The following DAGLB variants were observed in gnomAD, a reference collection of about 807,000 sequenced individuals.
The protein encoded by DAGLB is diacylglycerol lipase beta.
Under a neutral mutation model 72.1 loss-of-function variants are expected in DAGLB, and 66 were observed. The ratio of observed to expected loss-of-function variants is 0.92; its 90% CI spans 0.75 to 1.12. The LOEUF (loss-of-function observed/expected upper bound fraction) is 1.12. Ranked by LOEUF, DAGLB falls within the 50% of genes most tolerant of loss-of-function variation. The probability of loss-of-function intolerance (pLI) is 0.00; values close to 1 mark genes in which losing one functional copy is unlikely to be tolerated. For missense variants in DAGLB, 1,065 were observed against 884.9 expected, an observed-to-expected ratio of 1.20 and a Z score of -2.58; for synonymous variants, 414 against 359.5, an observed-to-expected ratio of 1.15 and a Z score of -1.71.
At chr7:6,429,976 G>A (rs1006798821) in intron 6 of DAGLB, among the ~76,000 whole-genome samples, 6 of 151,778 alleles carry the variant, frequency 4.0e-5, no homozygotes, top group South Asian at 2.1e-4. Flanking sequence ...CCAGGGAGGC[G>A]GAGCTTGCAG....
In DAGLB at chr7:6,432,895, T is replaced by G; in HGVS notation, c.743A>C (p.Asn248Thr). ...GGCAGGCTCTTGGTTGTTCCTGATA[T>G]TGTCCTGTTGCTGATGAAGCAGGGC... Reference protein sequence around the residue: ...GLALLHQQQDNIRNNQEPAQV... With the variant: ...GLALLHQQQDTIRNNQEPAQV... Residue 248 changes from asparagine to threonine, a missense_variant, in exon 5 of 15, where the codon AAT becomes ACT. Physicochemically the swap from Asn to Thr is moderately conservative, Grantham distance 65. Transcript: ENST00000297056. The G allele has an allele frequency of 1.2e-6, 2 of 1,613,950 alleles. No individual in the cohort carries two copies. The highest frequency in any genetic ancestry group is 1.7e-6 in the Non-Finnish European group (2 of 1,180,026).
intron 11 of DAGLB, 82 bp from the exon 12 acceptor site, chr7:6,413,116 T>C (rs1285488860): frequency 1.4e-6 from 2 of 1,460,096 alleles, no homozygotes; most frequent in African/African-American, 1.4e-5. Context: ...TCAGTAACAC[T>C]GAGGGGTTAG....
chr7:6,440,852 G>A (rs1011215174), intron 2 of DAGLB, among the ~76,000 whole-genome samples: 1 of 152,062 alleles, frequency 6.6e-6, no homozygotes, highest in African/African-American at 2.4e-5. Flanking sequence ...CTGGGCAACA[G>A]AGCAAAATTC....
chr7:6,424,956 C>T, intron 7 of DAGLB, 121 bp from the exon 8 acceptor site: 1 of 906,528 alleles, frequency 1.1e-6, no homozygotes, highest in Non-Finnish European at 1.8e-6. Flanking sequence ...GAGGAGGGGA[C>T]ACCGCCTCTC....
At chr7:6,443,136 T>C (rs922811922) in intron 2 of DAGLB, among the ~76,000 whole-genome samples, 1 of 137,444 alleles carries the variant, frequency 7.3e-6, no homozygotes, top group Non-Finnish European at 1.5e-5. Flanking sequence ...TGAGCCGAGA[T>C]AGAGATAGTG....
Position 6,409,499 on chromosome 7 carries a change from G to T in DAGLB, c.*338C>A. On this transcript the variant is annotated 3_prime_UTR_variant, in exon 15 of 15. Coordinates refer to ENST00000297056, the MANE Select transcript of DAGLB (RefSeq NM_139179.4). ...GGTGGGAGGCTAAGGAACTGTTCAC[G>T]GTCTTCTGGGTGGGCCCTGGATTCC... The T allele has an allele frequency of 3.0e-6, 1 of 334,618 alleles. No individual in the cohort carries two copies. The highest frequency in any genetic ancestry group is 5.6e-6 in the Non-Finnish European group (1 of 178,548). 20.7% of individuals were successfully genotyped at this position (334,618 alleles called of 1,614,324 possible). A position where few individuals can be genotyped will look rare whatever the true frequency, so the allele number is the denominator to read the frequency against.
chr7:6,420,460 A>C (rs1440752571), intron 9 of DAGLB, among the ~76,000 whole-genome samples: 1 of 151,974 alleles, frequency 6.6e-6, no homozygotes, highest in East Asian at 1.9e-4. Context: ...AAGAAAAGAA[A>C]CAGGCCACTG....
chr7:6,434,295 C>T (rs1784584218), intron 4 of DAGLB, among the ~76,000 whole-genome samples: 1 of 152,058 alleles, frequency 6.6e-6, no homozygotes, highest in Admixed American at 6.6e-5. Flanking sequence ...AATGACGCTC[C>T]CTTCTGTGCT....
chr7:6,412,782 C>T lies in DAGLB; in HGVS notation c.1569+29G>A, dbSNP rs200422925. ...TCTCAGGGACAGGCCCCGTGTCCTG[C>T]TGACCCTCTCAACAAGGCACCCGCT... On this transcript the variant is annotated intron_variant, in intron 13 of 14. Coordinates refer to ENST00000297056, the MANE Select transcript of DAGLB (RefSeq NM_139179.4). The T allele has an allele frequency of 4.6e-4, 721 of 1,563,696 alleles. 7 individuals are homozygous for T. In the African/African-American group the frequency reaches 9.0e-3, roughly 20 times the overall value.
At chr7:6,410,421 C>A in intron 13 of DAGLB, 41 bp from the exon 14 acceptor site, 1 of 1,501,746 alleles carries the variant, frequency 6.7e-7, no homozygotes, top group South Asian at 1.4e-5. Flanking sequence ...GTCACTCACC[C>A]TCTGTCACCC....
chr7:6,435,849 G>C (rs1415438796), intron 3 of DAGLB, among the ~76,000 whole-genome samples: 1 of 152,186 alleles, frequency 6.6e-6, no homozygotes, highest in African/African-American at 2.4e-5. Flanking sequence ...CAACAGCCCA[G>C]GTCTGATTCC....
intron 9 of DAGLB, among the ~76,000 whole-genome samples, chr7:6,419,420 C>T (rs1046813374): frequency 2.0e-5 from 3 of 152,286 alleles, no homozygotes; most frequent in Admixed American, 6.5e-5. Context: ...AGGCAGAGCC[C>T]AGCAGGACGT....
intron 2 of DAGLB, among the ~76,000 whole-genome samples, chr7:6,444,736 A>G (rs1257777111): frequency 6.6e-6 from 1 of 152,208 alleles, no homozygotes; most frequent in Non-Finnish European, 1.5e-5. Flanking sequence ...ATCATTAGTC[A>G]CCAAAGAAAT....
At chr7:6,420,862 C>T (rs112037091) in intron 9 of DAGLB, among the ~76,000 whole-genome samples, 8 of 152,172 alleles carry the variant, frequency 5.3e-5, no homozygotes, top group Non-Finnish European at 7.3e-5. Context: ...AGCCTGGCAC[C>T]GTGCCATCTG....
chr7:6,443,274 G>C lies in DAGLB; in HGVS notation c.247+2679C>G, dbSNP rs112969668. On this transcript the variant is annotated intron_variant, in intron 2 of 14. Transcript: ENST00000297056. ...TAAAAAAAAAAAAAAAAAAAAAAAA[G>C]AAACTGTCTCTACTAAAAATACAAA... Among the ~76,000 whole-genome samples the C allele has an allele frequency of 1.0e-4, 6 of 57,590 alleles. No individual in the cohort carries two copies. In the East Asian group the frequency reaches 1.6e-3, roughly 15 times the overall value. The allele number at this position is 57,590 out of a possible 152,430, so 37.8% of individuals were successfully genotyped here. A position where few individuals can be genotyped will look rare whatever the true frequency, so the allele number is the denominator to read the frequency against.
intron 9 of DAGLB, chr7:6,417,764 C>T (rs773473949): frequency 3.3e-5 from 5 of 152,194 alleles, no homozygotes; most frequent in Non-Finnish European, 5.9e-5. Flanking sequence ...CACTGATAAG[C>T]ATCCACTGTT....
At chr7:6,411,908 A>G (rs535857856) in intron 13 of DAGLB, among the ~76,000 whole-genome samples, 43 of 152,184 alleles carry the variant, frequency 2.8e-4, no homozygotes, top group African/African-American at 1.0e-3. Flanking sequence ...ATGGATATCT[A>G]TCTTTATCGG....
At chr7:6,438,235 G>A (rs979078700) in intron 2 of DAGLB, among the ~76,000 whole-genome samples, 5 of 152,078 alleles carry the variant, frequency 3.3e-5, no homozygotes, top group Non-Finnish European at 7.4e-5. Context: ...ATAGCATTAG[G>A]AGATATACCT....
chr7:6,418,354 G>T (rs79487950), intron 9 of DAGLB, among the ~76,000 whole-genome samples: 1 of 151,902 alleles, frequency 6.6e-6, no homozygotes. Flanking sequence ...GGGTGGCACA[G>T]TGAGACTCTT....
Sources: gnomAD v4.1 joint callset for allele counts (sites outside exome capture counted in the v4.1 genomes callset) on GRCh38, gnomAD v4.1.1 for gene constraint, MANE v1.5 for transcripts, NCBI Gene and HGNC (gene_info 2026-07-23, HGNC 2026-07-21) for gene names.